PEAK1: variants seen among roughly 807,000 people sequenced by gnomAD.
PEAK1 encodes the protein inactive tyrosine-protein kinase PEAK1.
Under a neutral mutation model 124.7 loss-of-function variants are expected in PEAK1, and 54 were observed. That is an observed-to-expected ratio of 0.43 (90% CI 0.35 to 0.54). The LOEUF (loss-of-function observed/expected upper bound fraction) is 0.54, where lower values mean the gene tolerates loss of function less well. PEAK1 is among the 20% of genes least tolerant of loss of function. The probability of loss-of-function intolerance (pLI) is 0.01; values close to 1 mark genes in which losing one functional copy is unlikely to be tolerated. For synonymous variants in PEAK1, 719 were observed against 760.0 expected (o/e 0.95, Z 0.89); for missense variants, 2,046 against 2,134.5 (o/e 0.96, Z 0.82).
chr15:77,374,085 A>C (rs1210489040), intron 1 of PEAK1, among the ~76,000 whole-genome samples: 1 of 152,228 alleles, frequency 6.6e-6, no homozygotes, highest in Non-Finnish European at 1.5e-5. Flanking sequence ...TAAAGTTTAA[A>C]AGCAAAGTTT....
At chr15:77,203,038 GAAAAAAA>G (rs528246915) in intron 6 of PEAK1, among the ~76,000 whole-genome samples, 1 of 80,468 alleles carries the variant, frequency 1.2e-5, no homozygotes, top group Non-Finnish European at 2.6e-5. Context: ...CCCTGTCTCA[GAAAAAAA>G]AAAAAAAAAG....
At chr15:77,103,700 T>C (rs1413582122), downstream of PEAK1, 2 of 152,300 alleles carry the variant, frequency 1.3e-5, no homozygotes, top group Non-Finnish European at 2.9e-5. Flanking sequence ...AGTTGCTCTG[T>C]GGCAGCTGTT....
At chr15:77,250,427 T>C (rs932360665) in intron 6 of PEAK1, among the ~76,000 whole-genome samples, 4 of 150,328 alleles carry the variant, frequency 2.7e-5, no homozygotes, top group African/African-American at 7.3e-5. Context: ...TTGTGTTTTT[T>C]TGTTTGTTTG....
At chr15:77,193,476 T>G (rs1360407981) in intron 6 of PEAK1, among the ~76,000 whole-genome samples, 1 of 152,192 alleles carries the variant, frequency 6.6e-6, no homozygotes, top group Non-Finnish European at 1.5e-5. Flanking sequence ...GAGACTCTAA[T>G]GTTAATTTGA....
intron 2 of PEAK1, among the ~76,000 whole-genome samples, chr15:77,363,746 T>C (rs565954633): frequency 6.0e-4 from 92 of 152,222 alleles, no homozygotes; most frequent in African/African-American, 2.2e-3. Context: ...TGCTTCAACA[T>C]GGATGAAGCT....
rs983160568 is a variant in PEAK1, at chr15:77,179,026, T to A, written c.2901A>T (p.Pro967=). The change falls in exon 7 of 10, where the codon CCA becomes CCT. Residue 967 remains proline (P), a synonymous_variant. Coordinates refer to ENST00000682557, the MANE Select transcript of PEAK1 (RefSeq NM_001385026.1). ...CTGTGAACCAGTGATGGCGCTGAAC[T>A]GGAGGAGGAGGCAGCATGTGAATGA... ...GTVIHMLPPP[P]VQRHHWFTEA... 6 of 1,614,134 alleles carry A rather than the reference T, an allele frequency of 3.7e-6. No individual in the cohort carries two copies. Among genetic ancestry groups the A allele is most frequent in the Non-Finnish European group, 3.4e-6 (4 of 1,180,026 alleles).
At chr15:77,117,916 T>C (rs531250119) in intron 9 of PEAK1, among the ~76,000 whole-genome samples, 1 of 152,278 alleles carries the variant, frequency 6.6e-6, no homozygotes, top group African/African-American at 2.4e-5. Context: ...TTTTATAAGG[T>C]CCTCCAGAGC....
intron 5 of PEAK1, among the ~76,000 whole-genome samples, chr15:77,280,950 G>T (rs1466153567): frequency 6.6e-6 from 1 of 152,094 alleles, no homozygotes; most frequent in Non-Finnish European, 1.5e-5. Context: ...CTTGAGGTCA[G>T]GAGTTTCGAG....
chr15:77,271,801 G>A (rs2062048043), intron 5 of PEAK1, among the ~76,000 whole-genome samples: 1 of 152,116 alleles, frequency 6.6e-6, no homozygotes, highest in Non-Finnish European at 1.5e-5. Flanking sequence ...GGAGCGGGGA[G>A]GGATAGCATT....
At chr15:77,312,889 A>T (rs1391233946) in intron 2 of PEAK1, among the ~76,000 whole-genome samples, 1 of 152,242 alleles carries the variant, frequency 6.6e-6, no homozygotes, top group Non-Finnish European at 1.5e-5. Flanking sequence ...AAGGAAGGGA[A>T]GGACAAGGTA....
intron 1 of PEAK1, chr15:77,404,793 G>T: frequency 1.0e-6 from 1 of 971,190 alleles, no homozygotes; most frequent in Non-Finnish European, 1.2e-6. Context: ...ATTATTAAAG[G>T]TACTGCTGCT....
chr15:77,339,234 C>T (rs1196201547), intron 2 of PEAK1, among the ~76,000 whole-genome samples: 1 of 151,416 alleles, frequency 6.6e-6, no homozygotes, highest in African/African-American at 2.4e-5. Context: ...TCTCAGCCTG[C>T]GGGGTAGCTG....
intron 1 of PEAK1, chr15:77,403,308 T>C (rs2071532439): frequency 4.2e-6 from 4 of 962,560 alleles, no homozygotes; most frequent in Non-Finnish European, 4.9e-6. Context: ...GACATTTAAG[T>C]GCTAAACATG....
At chr15:77,169,490 C>T (rs1379348759) in intron 7 of PEAK1, among the ~76,000 whole-genome samples, 1 of 152,142 alleles carries the variant, frequency 6.6e-6, no homozygotes, top group East Asian at 1.9e-4. Flanking sequence ...TGATTTTAGT[C>T]ACTAACCAAG....
chr15:77,340,772 G>A (rs2066479929), intron 2 of PEAK1, among the ~76,000 whole-genome samples: 1 of 152,064 alleles, frequency 6.6e-6, no homozygotes, highest in African/African-American at 2.4e-5. Flanking sequence ...ACAAGTTAAA[G>A]GGTATGATCC....
intron 2 of PEAK1, among the ~76,000 whole-genome samples, chr15:77,338,733 G>C (rs2066356099): frequency 6.6e-6 from 1 of 151,308 alleles, no homozygotes. Context: ...TTAAAGATAT[G>C]TCTTTAAAGG....
At position 77,261,465 on chromosome 15, in the gene PEAK1, T is replaced by C. The variant is rs111934915; in HGVS notation, c.-274-8939A>G. Among the ~76,000 whole-genome samples, 1,302 of 152,048 alleles carry C rather than the reference T, an allele frequency of 8.6e-3. 20 individuals carry two copies. The highest frequency in any genetic ancestry group is 0.03 in the African/African-American group (1,243 of 41,450). On this transcript the variant is annotated intron_variant, in intron 5 of 9. Coordinates refer to ENST00000682557, the MANE Select transcript of PEAK1 (RefSeq NM_001385026.1). ...GCTGAAAACCACGGCACGAGAACTA[T>C]GTGATGAATGCACGAGCCTCAGCAG...
chr15:77,137,224 C>T (rs1214428475), intron 8 of PEAK1, among the ~76,000 whole-genome samples: 1 of 152,198 alleles, frequency 6.6e-6, no homozygotes, highest in Non-Finnish European at 1.5e-5. Context: ...TCTGCTAGGG[C>T]AGTGTGAAAG....
In PEAK1 at chr15:77,114,735, G is replaced by A; in HGVS notation, c.4662C>T (p.Ser1554=). The change falls in exon 10 of 10, where the codon AGC becomes AGT. Residue 1554 remains serine (S), a synonymous_variant. Transcript: ENST00000682557. ...TSSYPTRLIV[S]NFSQAKQKSH... Reference sequence around the variant, plus strand: ...TCTTCTGCTTGGCCTGAGAGAAGTTGCTCACTATAAGCCTAGTGGGATAAG... The same window carrying A: ...TCTTCTGCTTGGCCTGAGAGAAGTTACTCACTATAAGCCTAGTGGGATAAG... 6.2e-7 allele frequency: 1 copy of A among 1,613,346 alleles called. No homozygotes were observed. Among genetic ancestry groups the A allele is most frequent in the South Asian group, 1.1e-5 (1 of 91,046 alleles).
Sources: allele counts gnomAD v4.1 joint callset (sites outside exome capture counted in the v4.1 genomes callset), GRCh38; gene constraint gnomAD v4.1.1; transcripts MANE v1.5; gene names NCBI Gene and HGNC (gene_info 2026-07-23, HGNC 2026-07-21).